Variants in THSD4 observed in about 807,000 individuals in gnomAD.
THSD4 encodes thrombospondin type-1 domain-containing protein 4.
THSD4 carries 69 observed loss-of-function variants against 119.0 expected under a neutral mutation model. That is an observed-to-expected ratio of 0.58 (90% CI 0.48 to 0.71). The LOEUF (loss-of-function observed/expected upper bound fraction) is 0.71, where lower values mean the gene tolerates loss of function less well. Ranked by LOEUF, THSD4 falls within the 30% of genes least tolerant of loss-of-function variation. THSD4 has a pLI of 0.00. For missense variants in THSD4, 1,393 were observed against 1,391.1 expected (o/e 1.00, Z -0.02); for synonymous variants, 524 against 540.4 (o/e 0.97, Z 0.42).
intron 7 of THSD4, among the ~76,000 whole-genome samples, chr15:71,416,731 G>GTTTTA (rs1348768092): frequency 1.9e-5 from 1 of 51,852 alleles, no homozygotes; most frequent in African/African-American, 5.6e-5. Flanking sequence ...GTTTTGTTTT[G>GTTTTA]TTTTGTTTTG....
At chr15:71,208,429 A>G (rs1189816352) in intron 3 of THSD4, among the ~76,000 whole-genome samples, 1 of 152,088 alleles carries the variant, frequency 6.6e-6, no homozygotes, top group African/African-American at 2.4e-5. Context: ...GCCCAAGTTG[A>G]GTTAAATGGG....
intron 8 of THSD4, among the ~76,000 whole-genome samples, chr15:71,718,784 G>C (rs77164746): frequency 0.011 from 1,711 of 151,992 alleles, 41 homozygotes; most frequent in African/African-American, 0.039. Flanking sequence ...TTCATCCTCT[G>C]TCCGGTGACC....
intron 7 of THSD4, among the ~76,000 whole-genome samples, chr15:71,533,195 T>G (rs1335093756): frequency 6.6e-6 from 1 of 152,208 alleles, no homozygotes; most frequent in Non-Finnish European, 1.5e-5. Context: ...ATAAACTTCG[T>G]TACTCCTTCT....
At chr15:71,209,596 T>C (rs2043872445) in intron 3 of THSD4, among the ~76,000 whole-genome samples, 1 of 152,222 alleles carries the variant, frequency 6.6e-6, no homozygotes, top group South Asian at 2.1e-4. Context: ...CTCCTTTCCT[T>C]ACACCAACAT....
chr15:71,364,818 A>G (rs564267533), intron 6 of THSD4, among the ~76,000 whole-genome samples: 57 of 152,352 alleles, frequency 3.7e-4, no homozygotes, highest in African/African-American at 1.3e-3. Context: ...GGTCAAAGTA[A>G]ATGGGAAACA....
chr15:71,629,165 G>A (rs2050566790), intron 7 of THSD4, among the ~76,000 whole-genome samples: 1 of 152,082 alleles, frequency 6.6e-6, no homozygotes, highest in Non-Finnish European at 1.5e-5. Context: ...GTAGTGGAAC[G>A]GCCAGAAAAC....
intron 8 of THSD4, among the ~76,000 whole-genome samples, chr15:71,717,766 A>G (rs1249225252): frequency 6.6e-6 from 1 of 152,154 alleles, no homozygotes; most frequent in Non-Finnish European, 1.5e-5. Flanking sequence ...CCCCACCACC[A>G]TGAGAGGGGG....
intron 5 of THSD4, among the ~76,000 whole-genome samples, chr15:71,251,520 TG>T: frequency 6.6e-6 from 1 of 152,238 alleles, no homozygotes. Flanking sequence ...CACTTTCTCA[TG>T]GCAGTGCAGG....
At chr15:71,238,922 G>A (rs1189515770) in intron 4 of THSD4, among the ~76,000 whole-genome samples, 2 of 152,110 alleles carry the variant, frequency 1.3e-5, no homozygotes, top group Non-Finnish European at 2.9e-5. Context: ...GAATGTATGA[G>A]GTTACCAATT....
At chr15:71,146,596 C>T (rs2040664175) in intron 2 of THSD4, among the ~76,000 whole-genome samples, 1 of 152,078 alleles carries the variant, frequency 6.6e-6, no homozygotes, top group South Asian at 2.1e-4. Context: ...TATGTCACTA[C>T]AAAGCAATAG....
intron 4 of THSD4, among the ~76,000 whole-genome samples, chr15:71,238,963 T>C (rs1160912798): frequency 1.3e-5 from 2 of 152,204 alleles, no homozygotes. Context: ...TATCTGTCTT[T>C]TTTGAGTATA....
At chr15:71,197,086 A>G (rs2043726157) in intron 3 of THSD4, among the ~76,000 whole-genome samples, 2 of 152,218 alleles carry the variant, frequency 1.3e-5, no homozygotes. Context: ...AAACCTTCTT[A>G]AAACAGACCT....
At chr15:71,519,310 T>C (rs1173599113) in intron 7 of THSD4, among the ~76,000 whole-genome samples, 1 of 152,186 alleles carries the variant, frequency 6.6e-6, no homozygotes, top group African/African-American at 2.4e-5. Flanking sequence ...CCAAGTGTAA[T>C]GGGACACCAC....
chr15:71,635,432 G>A (rs1206314135), intron 7 of THSD4, among the ~76,000 whole-genome samples: 2 of 152,126 alleles, frequency 1.3e-5, no homozygotes, highest in African/African-American at 4.8e-5. Flanking sequence ...GCTATCTGGG[G>A]AAAGTAATCA....
intron 7 of THSD4, among the ~76,000 whole-genome samples, chr15:71,437,842 T>G (rs2047034701): frequency 6.6e-6 from 1 of 152,120 alleles, no homozygotes; most frequent in Non-Finnish European, 1.5e-5. Flanking sequence ...TGTATGAGAG[T>G]GGTTTGCTAT....
At chr15:71,510,131 T>TTACC (rs2048256057) in intron 7 of THSD4, among the ~76,000 whole-genome samples, 1 of 152,160 alleles carries the variant, frequency 6.6e-6, no homozygotes, top group African/African-American at 2.4e-5. Context: ...CTTTGCCCAT[T>TTACC]GGTAGAAAGT....
At chr15:71,432,785 A>G (rs983949440) in intron 7 of THSD4, among the ~76,000 whole-genome samples, 2 of 151,758 alleles carry the variant, frequency 1.3e-5, no homozygotes, top group Non-Finnish European at 2.9e-5. Flanking sequence ...ATTCAGTTTT[A>G]TCTATACCAT....
chr15:71,269,032 G>A (rs2044498776), intron 6 of THSD4, among the ~76,000 whole-genome samples: 1 of 152,106 alleles, frequency 6.6e-6, no homozygotes, highest in African/African-American at 2.4e-5. Context: ...TCTACCAGAG[G>A]TACAAAGAGG....
At chr15:71,673,946 A>G (rs1194054503) in intron 8 of THSD4, among the ~76,000 whole-genome samples, 2 of 152,164 alleles carry the variant, frequency 1.3e-5, no homozygotes, top group Non-Finnish European at 2.9e-5. Context: ...TTAGACATCA[A>G]AAGCCTACCT....
Sources: allele counts gnomAD v4.1 joint callset (sites outside exome capture counted in the v4.1 genomes callset), GRCh38; gene constraint gnomAD v4.1.1; transcripts MANE v1.5; gene names NCBI Gene and HGNC (gene_info 2026-07-23, HGNC 2026-07-21).